CDC73: variants seen among roughly 807,000 people sequenced by gnomAD.
CDC73 encodes parafibromin.
Under a neutral mutation model 83.7 loss-of-function variants are expected in CDC73, and 21 were observed. The observed-to-expected ratio is 0.25, with a 90% CI of 0.18 to 0.36. CDC73 has a LOEUF of 0.36. Ranked by LOEUF, CDC73 falls within the 10% of genes least tolerant of loss-of-function variation. The pLI, the probability that CDC73 is intolerant of heterozygous loss-of-function variation, is 1.00. For synonymous variants in CDC73, 224 were observed against 212.9 expected, an observed-to-expected ratio of 1.05 and a Z score of -0.45; for missense variants, 342 against 653.3, an observed-to-expected ratio of 0.52 and a Z score of 5.19.
chr1:193,168,004 A>G (rs1676460638), intron 10 of CDC73, among the ~76,000 whole-genome samples: 1 of 151,804 alleles, frequency 6.6e-6, no homozygotes, highest in Non-Finnish European at 1.5e-5. Flanking sequence ...GGGATTACAG[A>G]TGCCTGCCAC....
At chr1:193,147,211 C>T (rs1020967197) in intron 7 of CDC73, among the ~76,000 whole-genome samples, 2 of 151,432 alleles carry the variant, frequency 1.3e-5, no homozygotes, top group Non-Finnish European at 2.9e-5. Context: ...CCAGAATGGC[C>T]TCAATCTCCT....
chr1:193,212,269 G>A, intron 12 of CDC73, 121 bp from the exon 13 acceptor site: 2 of 874,040 alleles, frequency 2.3e-6, no homozygotes, highest in Non-Finnish European at 3.6e-6. Context: ...ATATCCACTG[G>A]CTTAAAATAT....
intron 11 of CDC73, among the ~76,000 whole-genome samples, chr1:193,205,874 T>C (rs1677181288): frequency 6.6e-6 from 1 of 151,974 alleles, no homozygotes; most frequent in African/African-American, 2.4e-5. Context: ...ACATGAAGTA[T>C]AGGAATATTG....
At chr1:193,226,007 G>A (rs188924665) in intron 13 of CDC73, among the ~76,000 whole-genome samples, 22 of 152,172 alleles carry the variant, frequency 1.4e-4, no homozygotes, top group Admixed American at 1.3e-3. Context: ...GGTTTTTCCT[G>A]TGTTATCTTC....
chr1:193,160,210 A>G (rs1262899402), intron 10 of CDC73, among the ~76,000 whole-genome samples: 3 of 152,144 alleles, frequency 2.0e-5, no homozygotes, highest in East Asian at 3.8e-4. Flanking sequence ...GCCGATGACT[A>G]TGGAGTTAAT....
chr1:193,123,685 G>A (rs1397262509), intron 1 of CDC73, among the ~76,000 whole-genome samples: 2 of 146,652 alleles, frequency 1.4e-5, no homozygotes, highest in East Asian at 3.9e-4. Context: ...TTTTTTTTTA[G>A]ACAATGGCTA....
intron 9 of CDC73, among the ~76,000 whole-genome samples, chr1:193,151,447 A>T (rs1207469655): frequency 6.6e-6 from 1 of 152,184 alleles, no homozygotes; most frequent in East Asian, 1.9e-4. Context: ...CATGGGCCAA[A>T]TTGGGTTGCC....
intron 10 of CDC73, among the ~76,000 whole-genome samples, chr1:193,166,830 G>C (rs537364871): frequency 6.6e-6 from 1 of 152,118 alleles, no homozygotes; most frequent in South Asian, 2.1e-4. Flanking sequence ...ATTTTTAGCA[G>C]AGACGGGGTT....
chr1:193,139,299 T>C (rs1675860632), intron 6 of CDC73, among the ~76,000 whole-genome samples: 1 of 151,244 alleles, frequency 6.6e-6, no homozygotes, highest in Non-Finnish European at 1.5e-5. Flanking sequence ...GGAGTTTCGC[T>C]CTTGTGACCC....
intron 13 of CDC73, among the ~76,000 whole-genome samples, chr1:193,219,722 G>A (rs187271806): frequency 7.2e-5 from 11 of 152,150 alleles, no homozygotes; most frequent in Admixed American, 4.6e-4. Flanking sequence ...AAGACACCAG[G>A]GCCTACTTGA....
At chr1:193,228,277 A>C (rs1408830) in intron 13 of CDC73, among the ~76,000 whole-genome samples, 1 of 151,890 alleles carries the variant, frequency 6.6e-6, no homozygotes, top group Admixed American at 6.6e-5. Context: ...GGCAATTCCT[A>C]GTTTCATCAG....
chr1:193,229,975 GCTTATA>G (rs956901586), intron 13 of CDC73, among the ~76,000 whole-genome samples: 1 of 152,066 alleles, frequency 6.6e-6, no homozygotes, highest in Non-Finnish European at 1.5e-5. Context: ...TTGGAATGGT[GCTTATA>G]CTTAGTATAC....
chr1:193,200,490 TCTCA>T (rs1363597966), intron 10 of CDC73, among the ~76,000 whole-genome samples: 2 of 152,226 alleles, frequency 1.3e-5, no homozygotes, highest in African/African-American at 2.4e-5. Flanking sequence ...AATGTGGTTC[TCTCA>T]CTGTTTTTCC....
At chr1:193,214,565 A>G (rs1164888528) in intron 13 of CDC73, among the ~76,000 whole-genome samples, 1 of 152,052 alleles carries the variant, frequency 6.6e-6, no homozygotes, top group African/African-American at 2.4e-5. Flanking sequence ...AAAATACAAA[A>G]AAAATTAGCC....
At chr1:193,199,911 CCTG>C (rs1333676844) in intron 10 of CDC73, among the ~76,000 whole-genome samples, 1 of 151,802 alleles carries the variant, frequency 6.6e-6, no homozygotes, top group Non-Finnish European at 1.5e-5. Flanking sequence ...ATAGGAAACT[CCTG>C]GAGTCTGCAT....
At chr1:193,177,310 C>A (rs1203434014) in intron 10 of CDC73, among the ~76,000 whole-genome samples, 1 of 132,674 alleles carries the variant, frequency 7.5e-6, no homozygotes, top group Non-Finnish European at 1.5e-5. Context: ...GTCAGGAGAT[C>A]GAGACCGTCC....
At chr1:193,246,552 A>G (rs747384412) in intron 15 of CDC73, among the ~76,000 whole-genome samples, 60 of 152,132 alleles carry the variant, frequency 3.9e-4, no homozygotes, top group Non-Finnish European at 5.6e-4. Flanking sequence ...AACTAGCTGA[A>G]AAAGAAATCA....
intron 10 of CDC73, among the ~76,000 whole-genome samples, chr1:193,173,886 C>CT (rs1676560761): frequency 1.3e-5 from 2 of 151,892 alleles, no homozygotes; most frequent in Middle Eastern, 3.4e-3. Flanking sequence ...TTTTAGAAGT[C>CT]TAATGAGCAT....
chr1:193,143,392 A>G (rs563942553), intron 7 of CDC73, among the ~76,000 whole-genome samples: 3 of 152,326 alleles, frequency 2.0e-5, no homozygotes, highest in Non-Finnish European at 4.4e-5. Context: ...TCTCAAACTC[A>G]TAGTAGAAGA....
Sources: allele counts gnomAD v4.1 joint callset (sites outside exome capture counted in the v4.1 genomes callset), GRCh38; gene constraint gnomAD v4.1.1; transcripts MANE v1.5; gene names NCBI Gene and HGNC (gene_info 2026-07-23, HGNC 2026-07-21).